The following LARGE1 variants were observed in gnomAD, a reference collection of about 807,000 sequenced individuals.
LARGE1 encodes xylosyl- and glucuronyltransferase LARGE1.
Under a neutral mutation model 87.6 loss-of-function variants are expected in LARGE1, and 43 were observed. That is an observed-to-expected ratio of 0.49 (90% CI 0.38 to 0.63). LARGE1 has a LOEUF of 0.63. Ranked by LOEUF, LARGE1 falls within the 30% of genes least tolerant of loss-of-function variation. The probability of loss-of-function intolerance (pLI) is 0.00; values close to 1 mark genes in which losing one functional copy is unlikely to be tolerated. For missense variants in LARGE1, 802 were observed against 1,000.2 expected (o/e 0.80, Z 2.67); for synonymous variants, 434 against 394.6 (o/e 1.10, Z -1.18).
chr22:33,396,490 A>AGAGAGAGAGAGAGAGAGAGAGAGAGG (rs2065748768), intron 7 of LARGE1, among the ~76,000 whole-genome samples: 1 of 148,894 alleles, frequency 6.7e-6, no homozygotes, highest in African/African-American at 2.5e-5. Flanking sequence ...AGAGAGAGAG[A>AGAGAGAGAGAGAGAGAGAGAGAGAGG]GAGAGAGATA....
chr22:33,218,918 A>T (rs976443192), intron 11 of LARGE1, among the ~76,000 whole-genome samples: 1 of 152,182 alleles, frequency 6.6e-6, no homozygotes, highest in African/African-American at 2.4e-5. Context: ...TCAGCAATAG[A>T]ATCCAAGTGG....
At chr22:33,507,384 T>C (rs543960056) in intron 6 of LARGE1, among the ~76,000 whole-genome samples, 17 of 152,116 alleles carry the variant, frequency 1.1e-4, no homozygotes, top group African/African-American at 1.4e-4. Context: ...TTCTCATACA[T>C]GCTACAAAAT....
At chr22:33,520,931 AAGT>A (rs1569234749) in intron 6 of LARGE1, among the ~76,000 whole-genome samples, 5 of 152,340 alleles carry the variant, frequency 3.3e-5, no homozygotes, top group African/African-American at 1.2e-4. Context: ...TAATAAAAAT[AAGT>A]AGTAATTTGA....
intron 11 of LARGE1, among the ~76,000 whole-genome samples, chr22:33,180,719 A>G (rs137365): frequency 0.62 from 94,308 of 152,138 alleles, 29,524 homozygotes; most frequent in Middle Eastern, 0.69. Context: ...ATAAATCCTC[A>G]CAACAGAATG....
intron 1 of LARGE1, among the ~76,000 whole-genome samples, chr22:33,834,997 A>G (rs1043871763): frequency 1.2e-4 from 13 of 110,594 alleles, no homozygotes; most frequent in African/African-American, 3.3e-4. Flanking sequence ...TTTTTGCTCT[A>G]AAGTTTGAGG....
At chr22:33,579,455 C>G (rs1156371877) in intron 5 of LARGE1, among the ~76,000 whole-genome samples, 1 of 152,116 alleles carries the variant, frequency 6.6e-6, no homozygotes, top group Non-Finnish European at 1.5e-5. Flanking sequence ...ATACAGTGTG[C>G]CAGGGAAAGT....
At chr22:33,915,747 C>T (rs1042364403) in intron 1 of LARGE1, among the ~76,000 whole-genome samples, 4 of 152,328 alleles carry the variant, frequency 2.6e-5, no homozygotes, top group African/African-American at 9.6e-5. Context: ...GAAGCGGGGG[C>T]ACAGTCCTCA....
chr22:33,677,388 A>T (rs2149287297), intron 2 of LARGE1, among the ~76,000 whole-genome samples: 1 of 152,260 alleles, frequency 6.6e-6, no homozygotes, highest in African/African-American at 2.4e-5. Context: ...CTAGTAGAGG[A>T]ACAAAGTATT....
chr22:33,588,194 A>T (rs1251041233), intron 5 of LARGE1, among the ~76,000 whole-genome samples: 3 of 152,234 alleles, frequency 2.0e-5, no homozygotes, highest in Non-Finnish European at 2.9e-5. Context: ...GGGTCCATCC[A>T]CGTAGGCTCC....
In LARGE1 at chr22:33,307,682, A is replaced by G. The variant is rs571729877; in HGVS notation, c.1452-3175T>C. Among the ~76,000 whole-genome samples the G allele has an allele frequency of 2.1e-3, 313 of 152,326 alleles. 2 individuals are homozygous for G. Among genetic ancestry groups the G allele is most frequent in the African/African-American group, 7.2e-3 (300 of 41,572 alleles). On this transcript the variant is annotated intron_variant, in intron 11 of 14. Coordinates refer to ENST00000397394, the MANE Select transcript of LARGE1 (RefSeq NM_133642.5). ...CAGGAGCTTTTATTCTAGTGGGGAAAAAAGACAATCAACAAACCAGAGTTT... is the reference window on the plus strand; with the variant it reads ...CAGGAGCTTTTATTCTAGTGGGGAAGAAAGACAATCAACAAACCAGAGTTT...
chr22:33,557,938 G>T (rs1211688815), intron 6 of LARGE1, among the ~76,000 whole-genome samples: 1 of 152,192 alleles, frequency 6.6e-6, no homozygotes, highest in Admixed American at 6.5e-5. Flanking sequence ...CTGTATGATT[G>T]CTGACCAAGA....
At chr22:33,504,346 G>A (rs759830186) in intron 6 of LARGE1, among the ~76,000 whole-genome samples, 5 of 152,114 alleles carry the variant, frequency 3.3e-5, no homozygotes, top group Admixed American at 1.3e-4. Flanking sequence ...TGCAACCTCC[G>A]CCTCCCGGGT....
chr22:33,828,301 G>C (rs2062857926), intron 1 of LARGE1, among the ~76,000 whole-genome samples: 1 of 152,240 alleles, frequency 6.6e-6, no homozygotes, highest in South Asian at 2.1e-4. Context: ...GATTGGATGG[G>C]AGTTCTTAAA....
chr22:33,304,307 A>G lies in LARGE1; in HGVS notation c.1652T>C (p.Met551Thr). ...YPVNLLRNVA[M>T]KHISTPYMFL... The stretch of plus-strand genomic sequence containing the variant: ...CATGTAGGGAGTGCTGATGTGCTTC[A>G]TGGCCACGTTGCGCAGCAGGTTCAC... The change falls in exon 12 of 15, where the codon ATG (methionine) becomes ACG (threonine). Residue 551 changes from methionine to threonine, a missense_variant. Around this residue, in one of 2 missense-constraint regions of LARGE1, gnomAD observed 625 missense variants for 841.9 expected, o/e 0.74. Transcript: ENST00000397394. 6.2e-7 allele frequency: 1 copy of G among 1,614,254 alleles called. No homozygotes were observed. Among genetic ancestry groups the G allele is most frequent in the South Asian group, 1.1e-5 (1 of 91,092 alleles).
chr22:33,563,956 A>G (rs910235562), intron 6 of LARGE1, among the ~76,000 whole-genome samples: 3 of 152,168 alleles, frequency 2.0e-5, no homozygotes, highest in African/African-American at 4.8e-5. Context: ...ACAGAAACCA[A>G]CAGGAATATC....
At chr22:33,763,676 C>T (rs538813421) in intron 1 of LARGE1, among the ~76,000 whole-genome samples, 2 of 152,160 alleles carry the variant, frequency 1.3e-5, no homozygotes, top group East Asian at 3.9e-4. Flanking sequence ...GATAAGCTTC[C>T]TTATTCATCT....
chr22:33,253,302 T>C (rs1927095637), intron 11 of LARGE1, among the ~76,000 whole-genome samples: 1 of 152,246 alleles, frequency 6.6e-6, no homozygotes. Context: ...TCATTTTTAT[T>C]ACCCTTGTTT....
intron 2 of LARGE1, among the ~76,000 whole-genome samples, chr22:33,718,084 T>G (rs943528712): frequency 4.6e-5 from 7 of 152,360 alleles, no homozygotes; most frequent in African/African-American, 1.7e-4. Flanking sequence ...TCCATGTGGT[T>G]GCAGAAAATT....
At chr22:33,397,359 A>G (rs915424561) in intron 7 of LARGE1, among the ~76,000 whole-genome samples, 5 of 152,048 alleles carry the variant, frequency 3.3e-5, no homozygotes, top group African/African-American at 1.2e-4. Flanking sequence ...AGCTGATCCT[A>G]CCGCCTTGGC....
Sources: gnomAD v4.1 joint callset for allele counts (sites outside exome capture counted in the v4.1 genomes callset) on GRCh38, gnomAD v4.1.1 for gene constraint, gnomAD v4.1.1 regional missense constraint, MANE v1.5 for transcripts, NCBI Gene and HGNC (gene_info 2026-07-23, HGNC 2026-07-21) for gene names.